Variants in SYTL5 observed in about 807,000 individuals in gnomAD.
The protein encoded by SYTL5 is synaptotagmin like 5.
In SYTL5, 34 loss-of-function variants were observed where a neutral mutation model predicts 55.9. The observed-to-expected ratio is 0.61, with a 90% CI of 0.46 to 0.81. SYTL5 has a LOEUF of 0.81. Among genes scored for constraint, SYTL5 ranks in the 30% least tolerant of loss-of-function variants. SYTL5 has a pLI of 0.00. For synonymous variants in SYTL5, 221 were observed against 188.7 expected, an observed-to-expected ratio of 1.17 and a Z score of -1.40; for missense variants, 637 against 546.7, an observed-to-expected ratio of 1.17 and a Z score of -1.65.
chrX:37,975,114 T>C, the SYTL5 span, among the ~76,000 whole-genome samples: 1 of 112,458 alleles, frequency 8.9e-6, no homozygotes, highest in African/African-American at 3.2e-5. Context: ...ATGTGTACTA[T>C]GTAGCAGGTT....
chrX:38,120,256 T>C, intron 13 of SYTL5, 102 bp from the exon 14 acceptor site: 1 of 561,477 alleles, frequency 1.8e-6, no homozygotes, highest in Non-Finnish European at 3.0e-6. Context: ...GAATGGATTG[T>C]CACATTTATG....
chrX:38,058,269 T>C (rs1455174544), intron 3 of SYTL5, among the ~76,000 whole-genome samples: 10 of 111,562 alleles, frequency 9.0e-5, no homozygotes. Context: ...TGATTTTTAA[T>C]CTGCATATCC....
At chrX:38,078,595 G>A (rs1380141531) in intron 6 of SYTL5, among the ~76,000 whole-genome samples, 2 of 111,878 alleles carry the variant, frequency 1.8e-5, no homozygotes, top group Non-Finnish European at 3.8e-5. Context: ...AAGGCTGCCA[G>A]CCTAACAAAA....
chrX:37,925,220 CT>C, the SYTL5 span, among the ~76,000 whole-genome samples: 1 of 111,688 alleles, frequency 9.0e-6, no homozygotes, highest in African/African-American at 3.2e-5. Context: ...CTTTTCTAAT[CT>C]TTTTATGGCC....
At chrX:37,907,072 C>T in the SYTL5 span, among the ~76,000 whole-genome samples, 1 of 112,302 alleles carries the variant, frequency 8.9e-6, no homozygotes, top group African/African-American at 3.2e-5. Context: ...AGGAGAGCAT[C>T]TCCCAGAATG....
chrX:38,041,403 C>T (rs560550063), intron 2 of SYTL5, among the ~76,000 whole-genome samples: 3 of 112,223 alleles, frequency 2.7e-5, no homozygotes, highest in African/African-American at 9.7e-5. Context: ...AGCCTAAAGA[C>T]TCATTGTCCC....
intron 7 of SYTL5, among the ~76,000 whole-genome samples, chrX:38,093,774 AAT>A (rs1936854360): frequency 9.0e-6 from 1 of 110,504 alleles, no homozygotes; most frequent in African/African-American, 3.3e-5. Flanking sequence ...GTCATTCCAA[AAT>A]AGATGTAACC....
chrX:37,966,780 A>T, the SYTL5 span, among the ~76,000 whole-genome samples: 1 of 111,356 alleles, frequency 9.0e-6, no homozygotes, highest in Non-Finnish European at 1.9e-5. Context: ...TTGTCTTTTA[A>T]GTTATATAAT....
At chrX:37,941,805 G>C in the SYTL5 span, among the ~76,000 whole-genome samples, 2 of 112,143 alleles carry the variant, frequency 1.8e-5, no homozygotes, top group Middle Eastern at 4.6e-3. Flanking sequence ...AAGCATTTTA[G>C]GATTTGATCA....
At chrX:38,071,864 C>T (rs1187591293) in intron 3 of SYTL5, among the ~76,000 whole-genome samples, 183 bp from the exon 4 acceptor site, 1 of 112,156 alleles carries the variant, frequency 8.9e-6, no homozygotes, top group East Asian at 2.8e-4. Context: ...CCGTAATTAG[C>T]AAGTACCTAG....
the SYTL5 span, among the ~76,000 whole-genome samples, chrX:37,953,826 T>C: frequency 3.6e-5 from 4 of 110,030 alleles, no homozygotes; most frequent in African/African-American, 1.3e-4. Flanking sequence ...GACTGAGAGG[T>C]GGTTTGGATG....
chrX:37,900,844 T>C, the SYTL5 span, among the ~76,000 whole-genome samples: 1 of 111,361 alleles, frequency 9.0e-6, no homozygotes, highest in East Asian at 2.8e-4. Context: ...TGGGATTTTG[T>C]TTTTTTGTGT....
At chrX:37,951,143 G>A in the SYTL5 span, among the ~76,000 whole-genome samples, 1 of 110,359 alleles carries the variant, frequency 9.1e-6, no homozygotes, top group South Asian at 3.9e-4. Context: ...ATCTGACTAA[G>A]AAGCCCTGTT....
the SYTL5 span, among the ~76,000 whole-genome samples, chrX:37,904,127 C>T: frequency 2.3e-3 from 251 of 110,054 alleles, 2 homozygotes; most frequent in African/African-American, 7.6e-3. Context: ...GATTGCTTTG[C>T]GCAAGAAGAC....
intron 1 of SYTL5, among the ~76,000 whole-genome samples, chrX:38,014,070 C>T (rs755196392): frequency 1.8e-5 from 2 of 112,136 alleles, no homozygotes; most frequent in South Asian, 7.5e-4. Context: ...GATGTCATAT[C>T]CTACATCCTC....
chrX:38,124,958 G>T (rs1400678067), intron 15 of SYTL5, among the ~76,000 whole-genome samples: 1 of 111,752 alleles, frequency 8.9e-6, no homozygotes. Context: ...AGCACTTGAG[G>T]TGGGAAGCTG....
At chrX:37,909,409 GCCC>G in the SYTL5 span, among the ~76,000 whole-genome samples, 6 of 111,747 alleles carry the variant, frequency 5.4e-5, no homozygotes, top group Non-Finnish European at 9.4e-5. Flanking sequence ...GCCACATGCA[GCCC>G]ATGACAGCTT....
chrX:38,109,770 C>CA (rs1413684939), intron 12 of SYTL5, among the ~76,000 whole-genome samples: 2 of 108,509 alleles, frequency 1.8e-5, no homozygotes, highest in South Asian at 4.0e-4. Flanking sequence ...GATGTTGTTA[C>CA]AAAAAACAAA....
At chrX:37,942,380 T>C in the SYTL5 span, among the ~76,000 whole-genome samples, 1 of 112,238 alleles carries the variant, frequency 8.9e-6, no homozygotes, top group East Asian at 2.8e-4. Flanking sequence ...TCACACACTC[T>C]GTCCTATTCT....
Sources: gnomAD v4.1 joint callset for allele counts (sites outside exome capture counted in the v4.1 genomes callset) on GRCh38, gnomAD v4.1.1 for gene constraint, MANE v1.5 for transcripts, NCBI Gene and HGNC (gene_info 2026-07-23, HGNC 2026-07-21) for gene names.